DSCAML1: variants seen among roughly 807,000 people sequenced by gnomAD.
DSCAML1 encodes cell adhesion molecule DSCAML1.
In DSCAML1, 38 loss-of-function variants were observed where a neutral mutation model predicts 200.5. The ratio of observed to expected loss-of-function variants is 0.19; its 90% CI spans 0.15 to 0.25. The LOEUF is 0.25. DSCAML1 is among the 10% of genes least tolerant of loss of function. The pLI, the probability that DSCAML1 is intolerant of heterozygous loss-of-function variation, is 1.00. For missense variants in DSCAML1, 2,223 were observed against 2,858.8 expected (o/e 0.78, Z 5.07); for synonymous variants, 1,215 against 1,165.0 (o/e 1.04, Z -0.87).
intron 1 of DSCAML1, among the ~76,000 whole-genome samples, chr11:117,789,591 T>G (rs2055422097): frequency 6.6e-6 from 1 of 152,098 alleles, no homozygotes; most frequent in Non-Finnish European, 1.5e-5. Context: ...ATTGTGGAAC[T>G]CAGGAGCACC....
chr11:117,787,026 G>C (rs1330625162), intron 1 of DSCAML1, among the ~76,000 whole-genome samples: 1 of 152,194 alleles, frequency 6.6e-6, no homozygotes, highest in Admixed American at 6.5e-5. Context: ...GGCAGTGACT[G>C]TCTAGTCACC....
chr11:117,564,992 C>G (rs1302595160), intron 3 of DSCAML1, among the ~76,000 whole-genome samples: 2 of 152,108 alleles, frequency 1.3e-5, no homozygotes. Context: ...TCTTGAACTC[C>G]TGACCTCAGG....
In DSCAML1 at chr11:117,437,126, A is replaced by G. The variant is rs1181723142; in HGVS notation, c.4716T>C (p.Asp1572=). The change falls in exon 26 of 33, where the codon GAT becomes GAC. Residue 1572 remains aspartate, a synonymous_variant. Coordinates refer to ENST00000651296, the MANE Select transcript of DSCAML1 (RefSeq NM_020693.4). The surrounding 1 kb of genome is among the most constrained non-coding windows in gnomAD (Gnocchi z 5.3). ...ETAQFATLDY[D]GSTIPPIKSA... ...CCTTCCACCCTTGCGACTCACTGCC[A>G]TCGTAGTCCAGGGTGGCGAACTGGG... 2.5e-6 allele frequency: 4 copies of G among 1,611,508 alleles called. No homozygotes were observed. Among genetic ancestry groups the G allele is most frequent in the Non-Finnish European group, 2.5e-6 (3 of 1,178,218 alleles).
At chr11:117,466,424 G>C (rs1462673353) in intron 16 of DSCAML1, among the ~76,000 whole-genome samples, 1 of 152,238 alleles carries the variant, frequency 6.6e-6, no homozygotes. Context: ...AGAAAGGCCA[G>C]GTGCGGTGGC....
At chr11:117,713,837 C>G (rs555620708) in intron 3 of DSCAML1, among the ~76,000 whole-genome samples, 1 of 152,114 alleles carries the variant, frequency 6.6e-6, no homozygotes, top group Non-Finnish European at 1.5e-5. Context: ...GGAATTACCC[C>G]AGCACCCCAG....
intron 17 of DSCAML1, 44 bp downstream of exon 17, chr11:117,464,898 C>T: frequency 3.1e-6 from 5 of 1,600,022 alleles, no homozygotes; most frequent in Non-Finnish European, 4.3e-6. Flanking sequence ...TGGCTCTGCC[C>T]ATGGCAGGAA....
At chr11:117,486,973 A>G (rs1693109287) in intron 11 of DSCAML1, among the ~76,000 whole-genome samples, 1 of 118,674 alleles carries the variant, frequency 8.4e-6, no homozygotes, top group Admixed American at 1.1e-4. Context: ...TGCCCAGGCT[A>G]GAGTGCAGTG....
chr11:117,735,347 A>C (rs185138030), intron 3 of DSCAML1, among the ~76,000 whole-genome samples: 2 of 152,180 alleles, frequency 1.3e-5, no homozygotes, highest in African/African-American at 4.8e-5. Context: ...TCTTATTCCA[A>C]ATCTCACAGG....
intron 3 of DSCAML1, among the ~76,000 whole-genome samples, chr11:117,592,309 G>A (rs899350319): frequency 1.3e-5 from 2 of 152,140 alleles, no homozygotes; most frequent in African/African-American, 4.8e-5. Context: ...AGCTTGGATG[G>A]AGCCATTGCA....
intron 3 of DSCAML1, among the ~76,000 whole-genome samples, chr11:117,664,726 C>T (rs2052937573): frequency 6.6e-6 from 1 of 152,122 alleles, no homozygotes; most frequent in South Asian, 2.1e-4. Flanking sequence ...TTCCTGATGG[C>T]CTGGTTTACA....
At chr11:117,548,968 G>A (rs980067179) in intron 3 of DSCAML1, among the ~76,000 whole-genome samples, 5 of 152,112 alleles carry the variant, frequency 3.3e-5, no homozygotes, top group Admixed American at 1.3e-4. Flanking sequence ...AGGAGAAAAC[G>A]GGTCTTACTG....
chr11:117,809,483 C>G (rs2055737885), intron 1 of DSCAML1, among the ~76,000 whole-genome samples: 2 of 152,238 alleles, frequency 1.3e-5, no homozygotes, highest in African/African-American at 4.8e-5. Flanking sequence ...TGTCTGCCTC[C>G]CCCTAGTGCC....
intron 1 of DSCAML1, among the ~76,000 whole-genome samples, chr11:117,806,094 A>C (rs1314855812): frequency 1.3e-5 from 2 of 152,124 alleles, no homozygotes; most frequent in Admixed American, 1.3e-4. Context: ...CATCCTCAGT[A>C]CCCAAGGCAG....
chr11:117,597,217 G>A (rs2051377820), intron 3 of DSCAML1, among the ~76,000 whole-genome samples: 1 of 152,190 alleles, frequency 6.6e-6, no homozygotes, highest in South Asian at 2.1e-4. Context: ...CACAACAGCT[G>A]ACTAGAGGGG....
chr11:117,436,976 T>G lies in DSCAML1; in HGVS notation c.4720+146A>C, dbSNP rs145828803. 2.8e-4 allele frequency: 333 copies of G among 1,194,274 alleles called. 3 individuals are homozygous for G. In the East Asian group the frequency reaches 8.4e-3, roughly 30 times the overall value. 74.0% of individuals were successfully genotyped at this position (1,194,274 alleles called of 1,614,324 possible). A position where few individuals can be genotyped will look rare whatever the true frequency, so the allele number is the denominator to read the frequency against. On this transcript the variant is annotated intron_variant, in intron 26 of 32. Transcript: ENST00000651296. ...ACCTGATGTCCCCTTTGTCAGCCCC[T>G]TCACCTGCAGGCCAGCATTTCCCCC... is the stretch of plus-strand genomic sequence containing the variant.
chr11:117,518,676 C>T lies in DSCAML1; in HGVS notation c.1300G>A (p.Ala434Thr), dbSNP rs755281090. The T allele has an allele frequency of 5.6e-6, 9 of 1,613,196 alleles. No homozygotes were observed. The highest frequency in any genetic ancestry group is 5.9e-6 in the Non-Finnish European group (7 of 1,179,948). Reference sequence around the variant, plus strand: ...GCCCAGGTGACCGTGGGGGGCGGGGCGCCCTTGGCCGCACACATCAGTGAG... The same window carrying T: ...GCCCAGGTGACCGTGGGGGGCGGGGTGCCCTTGGCCGCACACATCAGTGAG... Reference protein sequence around the residue: ...QFSLMCAAKGAPPPTVTWALD... With the variant: ...QFSLMCAAKGTPPPTVTWALD... The change falls in exon 7 of 33, where the codon GCC becomes ACC. Residue 434 changes from alanine (A) to threonine (T), a missense_variant. Around this residue, in one of 7 missense-constraint regions of DSCAML1, gnomAD observed 579 missense variants for 721.5 expected, o/e 0.80. Transcript: ENST00000651296. This position sits in a 1 kb window ranked among gnomAD's most constrained non-coding sequence, Gnocchi z 6.3.
chr11:117,536,982 G>C (rs1388248299), intron 3 of DSCAML1, among the ~76,000 whole-genome samples: 1 of 152,144 alleles, frequency 6.6e-6, no homozygotes, highest in Non-Finnish European at 1.5e-5. Context: ...CTTTGAAATG[G>C]ATACAATTAT....
intron 3 of DSCAML1, among the ~76,000 whole-genome samples, chr11:117,735,704 G>C (rs970805067): frequency 6.6e-6 from 1 of 152,194 alleles, no homozygotes; most frequent in East Asian, 1.9e-4. Context: ...AAAAACAAGA[G>C]AGACCATAAT....
chr11:117,458,078 C>CA (rs1555171209), intron 19 of DSCAML1, among the ~76,000 whole-genome samples: 1 of 120,248 alleles, frequency 8.3e-6, no homozygotes, highest in Admixed American at 8.8e-5. Context: ...GCCTCCCTGG[C>CA]GGCCCTGGGG....
Sources: allele counts gnomAD v4.1 joint callset (sites outside exome capture counted in the v4.1 genomes callset), GRCh38; gene constraint gnomAD v4.1.1; regional missense constraint gnomAD v4.1.1; non-coding constraint Gnocchi (gnomAD v3.1); transcripts MANE v1.5; gene names NCBI Gene and HGNC (gene_info 2026-07-23, HGNC 2026-07-21).